The following C10orf67 variants were observed in gnomAD, a reference collection of about 807,000 sequenced individuals.
C10orf67 encodes the protein uncharacterized protein C10orf67, mitochondrial.
C10orf67 carries 60 observed loss-of-function variants against 35.6 expected under a neutral mutation model. That is an observed-to-expected ratio of 1.68 (90% CI 1.37 to 2.09). The LOEUF (loss-of-function observed/expected upper bound fraction) is 2.09. Ranked by LOEUF, C10orf67 falls within the 30% of genes most tolerant of loss-of-function variation. C10orf67 has a pLI of 0.00. For synonymous variants in C10orf67, 167 were observed against 115.8 expected (o/e 1.44, Z -2.84); for missense variants, 474 against 330.2 (o/e 1.44, Z -3.38).
intron 1 of C10orf67, among the ~76,000 whole-genome samples, chr10:23,342,541 C>T (rs183509173): frequency 2.6e-5 from 4 of 152,240 alleles, no homozygotes; most frequent in Non-Finnish European, 4.4e-5. Context: ...CCGGCACCAT[C>T]GGTCTGCTCT....
chr10:23,291,421 A>C, intron 5 of C10orf67, 142 bp from the exon 6 acceptor site: 1 of 580,190 alleles, frequency 1.7e-6, no homozygotes, highest in Non-Finnish European at 3.0e-6. Flanking sequence ...AAAAGGAAGG[A>C]GCCTAAATAG....
intron 5 of C10orf67, among the ~76,000 whole-genome samples, chr10:23,300,779 G>T (rs976557174): frequency 6.6e-6 from 1 of 152,118 alleles, no homozygotes; most frequent in Non-Finnish European, 1.5e-5. Context: ...CCCAGTGAGG[G>T]TCTACACTGG....
chr10:23,248,917 T>C (rs1588614530), intron 12 of C10orf67, among the ~76,000 whole-genome samples: 1 of 151,878 alleles, frequency 6.6e-6, no homozygotes, highest in East Asian at 1.9e-4. Flanking sequence ...AACATCTTGG[T>C]TAATAGAAAA....
chr10:23,282,753 C>T (rs1381476609), intron 7 of C10orf67, among the ~76,000 whole-genome samples: 3 of 152,100 alleles, frequency 2.0e-5, no homozygotes, highest in Non-Finnish European at 4.4e-5. Context: ...ATTGCTTGAG[C>T]CCAGGAATTT....
Position 23,224,524 on chromosome 10 carries a change from C to T in C10orf67, c.1435-706G>A, listed in dbSNP as rs370462238. Among the ~76,000 whole-genome samples the T allele has an allele frequency of 1.0e-3, 159 of 152,250 alleles. 1 individual carries two copies. Among genetic ancestry groups the T allele is most frequent in the African/African-American group, 3.3e-3 (136 of 41,558 alleles). ...TCGCCAGCAATGGAACAAAGCGGGA[C>T]GGAGAATGACTTTGACGAGTTGAGA... On this transcript the variant is annotated intron_variant, in intron 13 of 15. Coordinates refer to ENST00000636213, the MANE Select transcript of C10orf67 (RefSeq NM_001371909.1).
intron 13 of C10orf67, among the ~76,000 whole-genome samples, chr10:23,227,914 A>C (rs1176233868): frequency 6.6e-6 from 1 of 152,200 alleles, no homozygotes; most frequent in African/African-American, 2.4e-5. Flanking sequence ...GAGAACTACA[A>C]ACCACTGCTC....
intron 15 of C10orf67, among the ~76,000 whole-genome samples, chr10:23,209,433 G>A (rs1323294730): frequency 6.6e-6 from 1 of 152,102 alleles, no homozygotes; most frequent in East Asian, 1.9e-4. Context: ...TTTCAGTTAT[G>A]TGAGATGAAT....
intron 13 of C10orf67, among the ~76,000 whole-genome samples, chr10:23,234,607 C>T (rs945752504): frequency 6.6e-6 from 1 of 151,900 alleles, no homozygotes; most frequent in Non-Finnish European, 1.5e-5. Context: ...AAGAAATAAT[C>T]TGTACAACAA....
chr10:23,233,791 G>GT (rs1191001594), intron 13 of C10orf67, among the ~76,000 whole-genome samples: 1 of 152,116 alleles, frequency 6.6e-6, no homozygotes, highest in Non-Finnish European at 1.5e-5. Context: ...AATTTACTTG[G>GT]TTTTTGGTTT....
chr10:23,299,305 T>C (rs1843994602), intron 5 of C10orf67, among the ~76,000 whole-genome samples: 1 of 152,094 alleles, frequency 6.6e-6, no homozygotes, highest in Non-Finnish European at 1.5e-5. Flanking sequence ...TGTTGGACCT[T>C]GGGTCTAAGG....
At chr10:23,278,135 T>A (rs61847287) in intron 8 of C10orf67, among the ~76,000 whole-genome samples, 1 of 152,142 alleles carries the variant, frequency 6.6e-6, no homozygotes, top group East Asian at 1.9e-4. Context: ...CACTCCAACA[T>A]TGGAGCTTAC....
chr10:23,269,133 A>G (rs941414501), intron 8 of C10orf67, among the ~76,000 whole-genome samples: 1 of 152,254 alleles, frequency 6.6e-6, no homozygotes, highest in Non-Finnish European at 1.5e-5. Context: ...AAAGGACTGA[A>G]GAGCATCAGA....
chr10:23,246,193 C>G (rs1788168967), intron 12 of C10orf67, among the ~76,000 whole-genome samples: 1 of 152,006 alleles, frequency 6.6e-6, no homozygotes, highest in African/African-American at 2.4e-5. Context: ...ACATCAGGGC[C>G]TATTTGAGGG....
At chr10:23,314,846 A>T (rs1844639832) in intron 4 of C10orf67, among the ~76,000 whole-genome samples, 1 of 152,212 alleles carries the variant, frequency 6.6e-6, no homozygotes, top group Non-Finnish European at 1.5e-5. Flanking sequence ...TATGTAACAT[A>T]ATTACATACA....
At chr10:23,315,798 G>A (rs751365250) in intron 4 of C10orf67, among the ~76,000 whole-genome samples, 5 of 151,758 alleles carry the variant, frequency 3.3e-5, no homozygotes, top group South Asian at 2.1e-4. Flanking sequence ...GAATAATACC[G>A]GATAAGATAG....
chr10:23,266,855 C>T (rs1223440383), intron 9 of C10orf67, among the ~76,000 whole-genome samples: 1 of 152,168 alleles, frequency 6.6e-6, no homozygotes, highest in Non-Finnish European at 1.5e-5. Flanking sequence ...TCTCTGCTCC[C>T]TGTTCTCAAC....
chr10:23,273,562 GTGC>G (rs1474779428), intron 8 of C10orf67, among the ~76,000 whole-genome samples: 1 of 152,150 alleles, frequency 6.6e-6, no homozygotes, highest in Non-Finnish European at 1.5e-5. Context: ...TCAGGTCCAG[GTGC>G]AGATGAGGCT....
chr10:23,275,038 G>T (rs1180012215), intron 8 of C10orf67, among the ~76,000 whole-genome samples: 1 of 152,140 alleles, frequency 6.6e-6, no homozygotes, highest in African/African-American at 2.4e-5. Context: ...TTATTTCCTT[G>T]TGTGCTTCCT....
chr10:23,260,746 C>G (rs1194808532), intron 10 of C10orf67, among the ~76,000 whole-genome samples: 1 of 152,116 alleles, frequency 6.6e-6, no homozygotes, highest in Non-Finnish European at 1.5e-5. Context: ...ATTGCAGTGG[C>G]TTCTTATTGA....
Sources: allele counts gnomAD v4.1 joint callset (sites outside exome capture counted in the v4.1 genomes callset), GRCh38; gene constraint gnomAD v4.1.1; transcripts MANE v1.5; gene names NCBI Gene and HGNC (gene_info 2026-07-23, HGNC 2026-07-21).